The following YIPF6 variants were observed in gnomAD, a reference collection of about 807,000 sequenced individuals.
YIPF6 encodes the protein protein YIPF6.
Under a neutral mutation model 16.8 loss-of-function variants are expected in YIPF6, and 3 were observed. The ratio of observed to expected loss-of-function variants is 0.18; its 90% confidence interval spans 0.08 to 0.46. The LOEUF is 0.46. Among genes scored for constraint, YIPF6 ranks in the 20% least tolerant of loss-of-function variants. The probability of loss-of-function intolerance (pLI) is 0.98; values close to 1 mark genes in which losing one functional copy is unlikely to be tolerated. For missense variants in YIPF6, 145 were observed against 184.9 expected (o/e 0.78, Z 1.25); for synonymous variants, 67 against 61.9 (o/e 1.08, Z -0.38).
intron 6 of YIPF6, among the ~76,000 whole-genome samples, chrX:68,525,017 T>C (rs904360747): frequency 1.8e-5 from 2 of 111,883 alleles, no homozygotes; most frequent in African/African-American, 6.5e-5. Context: ...ATGGGATTGA[T>C]GGGTCAAATG....
At chrX:68,501,093 T>C (rs1473085792) in intron 1 of YIPF6, among the ~76,000 whole-genome samples, 3 of 112,067 alleles carry the variant, frequency 2.7e-5, no homozygotes, top group Admixed American at 1.9e-4. Flanking sequence ...AACAAATGTT[T>C]AGTGAACTCC....
At chrX:68,500,236 T>G in intron 1 of YIPF6, among the ~76,000 whole-genome samples, 2 of 112,322 alleles carry the variant, frequency 1.8e-5, no homozygotes, top group Non-Finnish European at 3.8e-5. Context: ...GAGGTCAATA[T>G]TCTGCTCCTG....
At chrX:68,512,086 T>C in intron 2 of YIPF6, 109 bp downstream of exon 2, 1 of 847,306 alleles carries the variant, frequency 1.2e-6, no homozygotes, top group South Asian at 3.3e-5. Context: ...ATATTTTATA[T>C]ACTGAAGTTT....
intron 6 of YIPF6, among the ~76,000 whole-genome samples, chrX:68,529,349 A>T (rs1046375585): frequency 9.1e-6 from 1 of 109,600 alleles, no homozygotes; most frequent in Non-Finnish European, 1.9e-5. Context: ...TGTTCTCTAA[A>T]CTGGTTATTC....
At chrX:68,528,107 G>T (rs936610264) in intron 6 of YIPF6, among the ~76,000 whole-genome samples, 5 of 111,482 alleles carry the variant, frequency 4.5e-5, no homozygotes, top group Non-Finnish European at 7.5e-5. Flanking sequence ...CTATTATTGT[G>T]TGGGAGTATA....
chrX:68,518,223 G>C (rs2079111693), intron 3 of YIPF6, among the ~76,000 whole-genome samples: 1 of 104,258 alleles, frequency 9.6e-6, no homozygotes, highest in African/African-American at 3.5e-5. Context: ...TATGAGCTGA[G>C]ATTGCGCCAT....
At chrX:68,500,851 C>T (rs190485172) in intron 1 of YIPF6, among the ~76,000 whole-genome samples, 1 of 112,104 alleles carries the variant, frequency 8.9e-6, no homozygotes, top group African/African-American at 3.2e-5. Context: ...TAAAATCAGG[C>T]TGAACCCCAG....
At chrX:68,527,670 G>A (rs775365694) in intron 6 of YIPF6, among the ~76,000 whole-genome samples, 4 of 111,608 alleles carry the variant, frequency 3.6e-5, no homozygotes, top group African/African-American at 9.8e-5. Flanking sequence ...GGTATGTTCC[G>A]TCTTTGTTCT....
Position 68,518,763 on chromosome X carries a change from C to T in YIPF6, c.266-7C>T. On this transcript the variant is annotated splice_polypyrimidine_tract_variant and splice_region_variant and intron_variant, in intron 3 of 6. Coordinates refer to ENST00000462683, the MANE Select transcript of YIPF6 (RefSeq NM_173834.4). ...TACCTTCGCTTCTGTCTTTTCTTGT[C>T]TTGTAGGGGATTTGTGGGGCCCTTT... is the stretch of plus-strand genomic sequence containing the variant. The T allele has an allele frequency of 7.7e-6, 9 of 1,172,399 alleles. No individual in the cohort carries two copies. Among genetic ancestry groups the T allele is most frequent in the Non-Finnish European group, 1.0e-5 (9 of 880,589 alleles).
chrX:68,510,179 T>C (rs2079074837), intron 1 of YIPF6, among the ~76,000 whole-genome samples: 1 of 111,644 alleles, frequency 9.0e-6, no homozygotes, highest in African/African-American at 3.3e-5. Context: ...TTATTCTACT[T>C]GGGGAATGGT....
At chrX:68,500,612 C>A (rs1372954279) in intron 1 of YIPF6, among the ~76,000 whole-genome samples, 1 of 111,813 alleles carries the variant, frequency 8.9e-6, no homozygotes, top group Admixed American at 9.6e-5. Flanking sequence ...CCGTGCCTGG[C>A]CCCCTTTCCT....
intron 3 of YIPF6, among the ~76,000 whole-genome samples, chrX:68,515,890 G>A (rs939036856): frequency 5.4e-5 from 6 of 111,737 alleles, no homozygotes; most frequent in Non-Finnish European, 1.1e-4. Context: ...TTGGCAGGCC[G>A]AGGTGGGTGG....
At chrX:68,521,241 C>T in intron 4 of YIPF6, 131 bp from the exon 5 acceptor site, 8 of 776,233 alleles carry the variant, frequency 1.0e-5, no homozygotes, top group South Asian at 4.0e-5. Flanking sequence ...CCTTTTAGCA[C>T]AACCTACATA....
In YIPF6 at chrX:68,537,169, G is replaced by A. The variant is rs2079194937; in HGVS notation, c.*5170G>A. On this transcript the variant is annotated 3_prime_UTR_variant, in exon 7 of 7. Coordinates refer to ENST00000462683, the MANE Select transcript of YIPF6 (RefSeq NM_173834.4). ...TGCCATCACTGCTAGTAATTTCTTG[G>A]TCCTTTTCAATACTCCATTTTAATC... 1 of 111,540 alleles carries A rather than the reference G, an allele frequency of 9.0e-6. No homozygotes were observed. The highest frequency in any genetic ancestry group is 9.6e-5 in the Admixed American group (1 of 10,451). The allele number at this position is 111,540 out of a possible 1,213,427, so 9.2% of individuals were successfully genotyped here.
intron 1 of YIPF6, among the ~76,000 whole-genome samples, chrX:68,504,297 G>A (rs1005012418): frequency 1.8e-5 from 2 of 110,984 alleles, no homozygotes; most frequent in Non-Finnish European, 3.8e-5. Context: ...TTTTATTGGG[G>A]TTTCATTATG....
chrX:68,503,754 G>A (rs1316301393), intron 1 of YIPF6, among the ~76,000 whole-genome samples: 1 of 112,376 alleles, frequency 8.9e-6, no homozygotes, highest in Non-Finnish European at 1.9e-5. Flanking sequence ...AGAGCAAGTA[G>A]CAACAAATTC....
intron 1 of YIPF6, among the ~76,000 whole-genome samples, chrX:68,499,881 C>T (rs1001240235): frequency 8.9e-6 from 1 of 112,275 alleles, no homozygotes; most frequent in African/African-American, 3.2e-5. Context: ...CTCAAGCTAT[C>T]CTCCTGCCTC....
chrX:68,519,503 C>CT lies in YIPF6; in HGVS notation c.308+702dup, dbSNP rs1369657249. Among the ~76,000 whole-genome samples, 638 of 104,106 alleles carry CT rather than the reference C, an allele frequency of 6.1e-3. 5 individuals carry two copies. Among genetic ancestry groups the CT allele is most frequent in the African/African-American group, 0.02 (567 of 28,899 alleles). 90.4% of individuals were successfully genotyped at this position (104,106 alleles called of 115,157 possible). A position where few individuals can be genotyped will look rare whatever the true frequency, so the allele number is the denominator to read the frequency against. On this transcript the variant is annotated intron_variant, in intron 4 of 6. Coordinates refer to ENST00000462683, the MANE Select transcript of YIPF6 (RefSeq NM_173834.4). The stretch of plus-strand genomic sequence containing the variant: ...CAATAATTAAAATTATTTTATTTTT[C>CT]TTTTTTTTTTTGACAAACAAGCTCA...
intron 1 of YIPF6, among the ~76,000 whole-genome samples, chrX:68,506,561 G>A (rs1346953631): frequency 9.1e-6 from 1 of 110,222 alleles, no homozygotes; most frequent in Non-Finnish European, 1.9e-5. Flanking sequence ...GTAGCCTGGT[G>A]TGGTGGCACA....
Sources: gnomAD v4.1 joint callset for allele counts (sites outside exome capture counted in the v4.1 genomes callset) on GRCh38, gnomAD v4.1.1 for gene constraint, MANE v1.5 for transcripts, NCBI Gene and HGNC (gene_info 2026-07-23, HGNC 2026-07-21) for gene names.